Variants in PRKAR1B observed in about 807,000 individuals in gnomAD.
PRKAR1B encodes the protein cAMP-dependent protein kinase type I-beta regulatory subunit.
In PRKAR1B, 22 loss-of-function variants were observed where a neutral mutation model predicts 46.5. That is an observed-to-expected ratio of 0.47 (90% CI 0.34 to 0.68). PRKAR1B has a LOEUF of 0.68. Ranked by LOEUF, PRKAR1B falls within the 30% of genes least tolerant of loss-of-function variation. The pLI is 0.01. For synonymous variants in PRKAR1B, 259 were observed against 217.7 expected, an observed-to-expected ratio of 1.19 and a Z score of -1.67; for missense variants, 445 against 535.6, an observed-to-expected ratio of 0.83 and a Z score of 1.67.
chr7:610,458 A>G (rs902444986), intron 4 of PRKAR1B, among the ~76,000 whole-genome samples: 1 of 152,138 alleles, frequency 6.6e-6, no homozygotes, highest in Non-Finnish European at 1.5e-5. Context: ...CTCCCCAGGG[A>G]CGGAGGAACA....
intron 9 of PRKAR1B, among the ~76,000 whole-genome samples, chr7:572,594 T>TC (rs199656302): frequency 0.034 from 5,213 of 152,046 alleles, 126 homozygotes; most frequent in Non-Finnish European, 0.054. Flanking sequence ...GGGGCTGGGG[T>TC]CCCCACACCT....
chr7:632,333 G>C (rs1010219225), intron 4 of PRKAR1B, among the ~76,000 whole-genome samples: 6 of 152,110 alleles, frequency 3.9e-5, no homozygotes, highest in Non-Finnish European at 8.8e-5. Flanking sequence ...GCCGAAGCCG[G>C]CACCGGCTTC....
chr7:684,102 G>A (rs190004660), intron 2 of PRKAR1B, among the ~76,000 whole-genome samples: 121 of 149,516 alleles, frequency 8.1e-4, no homozygotes, highest in African/African-American at 2.8e-3. Context: ...CCACCTCCAC[G>A]TGCACCAATG....
intron 6 of PRKAR1B, chr7:603,142 C>T (rs1015658718): frequency 1.1e-4 from 17 of 152,392 alleles, no homozygotes; most frequent in African/African-American, 3.6e-4. Flanking sequence ...AAACCGGCAC[C>T]TTGAAGATGC....
chr7:569,870 G>A (rs540877473), intron 9 of PRKAR1B, among the ~76,000 whole-genome samples: 2 of 152,304 alleles, frequency 1.3e-5, no homozygotes, highest in South Asian at 2.1e-4. Context: ...GCCAGACCCC[G>A]AGGGCCCTGG....
At chr7:553,089 G>A (rs1168203357) in intron 9 of PRKAR1B, among the ~76,000 whole-genome samples, 1 of 152,100 alleles carries the variant, frequency 6.6e-6, no homozygotes, top group Non-Finnish European at 1.5e-5. Flanking sequence ...TGTGGAAACC[G>A]CGGCCTGGCA....
At chr7:651,838 C>T (rs1331067157) in intron 4 of PRKAR1B, among the ~76,000 whole-genome samples, 1 of 108,646 alleles carries the variant, frequency 9.2e-6, no homozygotes, top group Non-Finnish European at 1.9e-5. Context: ...TTCACACCCA[C>T]ACGGAGCTAG....
At chr7:680,025 G>C (rs1038749019) in intron 3 of PRKAR1B, among the ~76,000 whole-genome samples, 1 of 152,168 alleles carries the variant, frequency 6.6e-6, no homozygotes, top group East Asian at 1.9e-4. Context: ...GGGTGTGGTG[G>C]TAGGCACCTG....
intron 3 of PRKAR1B, among the ~76,000 whole-genome samples, chr7:679,094 A>T (rs866058709): frequency 4.6e-5 from 7 of 152,326 alleles, no homozygotes; most frequent in South Asian, 2.1e-4. Context: ...ATCTCAAAAA[A>T]ATATATATAA....
intron 4 of PRKAR1B, among the ~76,000 whole-genome samples, chr7:662,192 C>A (rs1360064483): frequency 7.5e-5 from 8 of 107,064 alleles, no homozygotes; most frequent in East Asian, 6.8e-4. Flanking sequence ...CCTACTCTCC[C>A]CCCCATGGCA....
chr7:603,630 A>AGGTGACAC lies in PRKAR1B; in HGVS notation c.549+2555_549+2562dup, dbSNP rs1554291181. 6.5e-3 allele frequency among the ~76,000 whole-genome samples: 798 copies of AGGTGACAC among 122,300 alleles called. 27 individuals are homozygous for AGGTGACAC. The highest frequency in any genetic ancestry group is 0.015 in the African/African-American group (394 of 26,554). 80.2% of individuals were successfully genotyped at this position (122,300 alleles called of 152,430 possible). On this transcript the variant is annotated intron_variant, in intron 6 of 10. Coordinates refer to ENST00000537384, the MANE Select transcript of PRKAR1B (RefSeq NM_001164760.2). ...CCCAGAGTGGAGGTGATGGGGGAGGAGGTGACACCAGGACCCAGAGTGGAG... is the reference window on the plus strand; with the variant it reads ...CCCAGAGTGGAGGTGATGGGGGAGGAGGTGACACGGTGACACCAGGACCCAGAGTGGAG...
At chr7:696,507 C>G (rs1018627773) in intron 2 of PRKAR1B, among the ~76,000 whole-genome samples, 2 of 152,080 alleles carry the variant, frequency 1.3e-5, no homozygotes, top group Admixed American at 1.3e-4. Flanking sequence ...CTCCTGACCT[C>G]AGGTGACCCA....
chr7:589,658 T>C (rs566513142), intron 7 of PRKAR1B, among the ~76,000 whole-genome samples: 162 of 152,310 alleles, frequency 1.1e-3, no homozygotes, highest in African/African-American at 3.8e-3. Context: ...TGTTCCAGAA[T>C]GGATGCTCGC....
intron 7 of PRKAR1B, among the ~76,000 whole-genome samples, chr7:595,003 GC>G (rs1173172697): frequency 6.6e-6 from 1 of 152,202 alleles, no homozygotes; most frequent in Non-Finnish European, 1.5e-5. Flanking sequence ...CCCCAAACCG[GC>G]CCAGGGAACT....
intron 8 of PRKAR1B, among the ~76,000 whole-genome samples, chr7:580,665 C>T (rs2128443483): frequency 6.6e-6 from 1 of 151,406 alleles, no homozygotes; most frequent in East Asian, 1.9e-4. Flanking sequence ...CATCCCTAAC[C>T]CTTGGAAGGA....
intron 1 of PRKAR1B, among the ~76,000 whole-genome samples, 190 bp from the exon 2 acceptor site, chr7:711,717 C>T (rs962107655): frequency 6.8e-6 from 1 of 147,260 alleles, no homozygotes; most frequent in Admixed American, 6.9e-5. Flanking sequence ...AGAGCCTTCC[C>T]TCCCCACAGA....
At position 572,750 on chromosome 7, in the gene PRKAR1B, C is replaced by T. The variant is rs191269029; in HGVS notation, c.891+6506G>A. ...CAGGAGGCCCCAGGTGGAGGGTAGG[C>T]GGGAGGAGAGAAAGGTGAGGCGGGA... On this transcript the variant is annotated intron_variant, in intron 9 of 10. Transcript: ENST00000537384. Among the ~76,000 whole-genome samples the T allele has an allele frequency of 1.2e-3, 183 of 152,218 alleles. 1 individual carries two copies. Among genetic ancestry groups the T allele is most frequent in the African/African-American group, 4.1e-3 (169 of 41,542 alleles).
At chr7:580,744 C>CAAAAA (rs754143077) in intron 8 of PRKAR1B, among the ~76,000 whole-genome samples, 19 of 117,320 alleles carry the variant, frequency 1.6e-4, no homozygotes, top group Middle Eastern at 5.1e-3. Context: ...TCTTTTTTGA[C>CAAAAA]AAAAAAAAAA....
chr7:556,248 G>T (rs1383207513), intron 9 of PRKAR1B, among the ~76,000 whole-genome samples: 2 of 151,792 alleles, frequency 1.3e-5, no homozygotes, highest in Non-Finnish European at 2.9e-5. Flanking sequence ...CACGTGCCAG[G>T]CACCGTTTTA....
Sources: allele counts gnomAD v4.1 joint callset (sites outside exome capture counted in the v4.1 genomes callset), GRCh38; gene constraint gnomAD v4.1.1; transcripts MANE v1.5; gene names NCBI Gene and HGNC (gene_info 2026-07-23, HGNC 2026-07-21).